Variants in SETD5 observed in about 807,000 individuals in gnomAD.
The protein encoded by SETD5 is SET domain containing 5, also known as histone-lysine N-methyltransferase SETD5.
Under a neutral mutation model 153.3 loss-of-function variants are expected in SETD5, and 44 were observed. The ratio of observed to expected loss-of-function variants is 0.29; its 90% CI spans 0.23 to 0.37. The LOEUF is 0.37. Among genes scored for constraint, SETD5 ranks in the 10% least tolerant of loss-of-function variants. The pLI, the probability that SETD5 is intolerant of heterozygous loss-of-function variation, is 1.00. For missense variants in SETD5, 1,544 were observed against 1,768.0 expected (o/e 0.87, Z 2.27); for synonymous variants, 716 against 645.2 (o/e 1.11, Z -1.66).
intron 17 of SETD5, among the ~76,000 whole-genome samples, chr3:9,457,852 T>C (rs2043453465): frequency 6.6e-6 from 1 of 151,452 alleles, no homozygotes; most frequent in Non-Finnish European, 1.5e-5. Flanking sequence ...CTCTCTGTCT[T>C]TATATAGTTC....
chr3:9,477,312 A>G lies in SETD5; in HGVS notation c.*1221A>G, dbSNP rs2045905317. The G allele has an allele frequency of 1.3e-5, 2 of 152,704 alleles. No homozygotes were observed. The highest frequency in any genetic ancestry group is 4.8e-5 in the African/African-American group (2 of 41,464). The allele number at this position is 152,704 out of a possible 1,614,324, so 9.5% of individuals were successfully genotyped here. A position where few individuals can be genotyped will look rare whatever the true frequency, so the allele number is the denominator to read the frequency against. ...GCCCTGGAGCCAGCCCAGGTGGGGT[A>G]CACAATCTTTTTAAATTCCATATGG... On this transcript the variant is annotated 3_prime_UTR_variant, in exon 23 of 23. Coordinates refer to ENST00000402198, the MANE Select transcript of SETD5 (RefSeq NM_001080517.3).
At chr3:9,436,660 C>CA (rs1346981906) in intron 7 of SETD5, among the ~76,000 whole-genome samples, 7 of 152,190 alleles carry the variant, frequency 4.6e-5, no homozygotes, top group Admixed American at 4.6e-4. Context: ...AAATTAGTCT[C>CA]AGAGTTCATT....
intron 1 of SETD5, among the ~76,000 whole-genome samples, chr3:9,405,294 T>C (rs960241742): frequency 5.3e-5 from 8 of 152,236 alleles, no homozygotes; most frequent in Admixed American, 5.2e-4. Context: ...CTGTACATAA[T>C]ATCTGCAATT....
chr3:9,454,447 T>C (rs1477962609), intron 17 of SETD5, among the ~76,000 whole-genome samples: 2 of 151,780 alleles, frequency 1.3e-5, no homozygotes, highest in African/African-American at 4.8e-5. Flanking sequence ...GGTGAAACCC[T>C]GTCTCTACCA....
At chr3:9,458,502 A>C (rs1575538608) in intron 17 of SETD5, among the ~76,000 whole-genome samples, 1 of 152,150 alleles carries the variant, frequency 6.6e-6, no homozygotes, top group Non-Finnish European at 1.5e-5. Context: ...CTGTAGCCTT[A>C]AGGAGGCTGA....
Position 9,447,241 on chromosome 3 carries a change from A to C in SETD5, c.1716A>C (p.Ser572=), listed in dbSNP as rs759812237. Residue 572 remains serine (S), a synonymous_variant, in exon 14 of 23, where the codon TCA becomes TCC. Coordinates refer to ENST00000402198, the MANE Select transcript of SETD5 (RefSeq NM_001080517.3). ...APESEVSNSV[S]NVTIPSTPQS... is the part of the protein sequence containing the mutation. ...AATCTGAAGTTAGCAACTCTGTTTC[A>C]AATGTTACCATCCCAAGCACCCCAC... The C allele has an allele frequency of 6.2e-7, 1 of 1,614,052 alleles. No individual in the cohort carries two copies. Among genetic ancestry groups the C allele is most frequent in the Non-Finnish European group, 8.5e-7 (1 of 1,179,892 alleles).
chr3:9,407,524 CAA>C (rs1035813820), intron 1 of SETD5, among the ~76,000 whole-genome samples: 25 of 152,010 alleles, frequency 1.6e-4, no homozygotes, highest in African/African-American at 6.0e-4. Context: ...CACCGAGCAA[CAA>C]GAGAAATAAA....
chr3:9,430,688 C>A, intron 3 of SETD5: 1 of 361,096 alleles, frequency 2.8e-6, no homozygotes, highest in Non-Finnish European at 3.9e-6. Flanking sequence ...GAGGTTAAAC[C>A]AATACGTTTG....
chr3:9,432,280 G>A, intron 3 of SETD5: 2 of 985,010 alleles, frequency 2.0e-6, no homozygotes, highest in Non-Finnish European at 1.2e-6. Flanking sequence ...TTCCTTTGCT[G>A]TTATTAATAA....
chr3:9,440,582 G>A lies in SETD5; in HGVS notation c.694G>A (p.Ala232Thr), dbSNP rs757905878. ...TNQYSADVQN[A>T]LEQHLHSSKE... ...TCAGTACAGTGCAGATGTACAGAACGCGCTTGAACAACACCTACATTCTAG... is the reference window on the plus strand; with the variant it reads ...TCAGTACAGTGCAGATGTACAGAACACGCTTGAACAACACCTACATTCTAG... Residue 232 changes from alanine (A) to threonine (T), a missense_variant, in exon 8 of 23, where the codon GCG (alanine) becomes ACG (threonine). Around this residue, in one of 9 missense-constraint regions of SETD5, gnomAD observed 251 missense variants for 326.9 expected, o/e 0.77. Transcript: ENST00000402198. 1.9e-6 allele frequency: 3 copies of A among 1,613,964 alleles called. No homozygotes were observed. The highest frequency in any genetic ancestry group is 2.5e-6 in the Non-Finnish European group (3 of 1,179,860).
Position 9,476,003 on chromosome 3 carries a change from ACC to A in SETD5, c.4243_4244del (p.Pro1415ThrfsTer38), listed in dbSNP as rs775402365. 52 of 1,613,916 alleles carry A rather than the reference ACC, an allele frequency of 3.2e-5. No homozygotes were observed. In the African/African-American group the frequency reaches 6.4e-4, roughly 20 times the overall value. Reference sequence around the variant, plus strand: ...TCTGCGGTTTCCAATTCACAGCACTACCCACACCGTGGGAGTGGGGGTGTGCA... The same window carrying A: ...TCTGCGGTTTCCAATTCACAGCACTACACACCGTGGGAGTGGGGGTGTGCA... On this transcript the variant is annotated frameshift_variant, in exon 23 of 23. Coordinates refer to ENST00000402198, the MANE Select transcript of SETD5 (RefSeq NM_001080517.3). LOFTEE classifies it high-confidence loss of function.
intron 7 of SETD5, among the ~76,000 whole-genome samples, chr3:9,438,813 C>G (rs1490078379): frequency 2.6e-5 from 4 of 152,176 alleles, no homozygotes; most frequent in Non-Finnish European, 5.9e-5. Context: ...AACAGGATCC[C>G]TGGTGTCTAC....
In SETD5 at chr3:9,433,834, C is replaced by A; in HGVS notation, c.72-11C>A. 1 of 1,613,202 alleles carries A rather than the reference C, an allele frequency of 6.2e-7. No homozygotes were observed. The highest frequency in any genetic ancestry group is 8.5e-7 in the Non-Finnish European group (1 of 1,179,350). On this transcript the variant is annotated splice_polypyrimidine_tract_variant and intron_variant, in intron 3 of 22. Transcript: ENST00000402198. ...TTATGCTATCATGCATTGCTTTTCG[C>A]CTTTGTGCAGCCCTGAATCTGTGGA...
At chr3:9,449,004 G>A (rs1047328806) in intron 16 of SETD5, among the ~76,000 whole-genome samples, 1 of 152,076 alleles carries the variant, frequency 6.6e-6, no homozygotes, top group African/African-American at 2.4e-5. Context: ...GTGAGATTAG[G>A]CCCTGGGTCC....
At chr3:9,418,248 A>G (rs1389421297) in intron 1 of SETD5, among the ~76,000 whole-genome samples, 1 of 152,212 alleles carries the variant, frequency 6.6e-6, no homozygotes, top group Non-Finnish European at 1.5e-5. Flanking sequence ...TTTGAAACGA[A>G]GCACTCAAAT....
intron 1 of SETD5, among the ~76,000 whole-genome samples, chr3:9,411,993 A>G (rs1291125724): frequency 6.6e-6 from 1 of 152,126 alleles, no homozygotes; most frequent in Non-Finnish European, 1.5e-5. Flanking sequence ...CCTTTTCAGG[A>G]TCCAGGGTCC....
chr3:9,442,032 G>A, intron 9 of SETD5, 96 bp from the exon 10 acceptor site: 1 of 847,420 alleles, frequency 1.2e-6, no homozygotes, highest in South Asian at 1.6e-5. Flanking sequence ...GCAAAAGACT[G>A]CTGCTGCTTC....
intron 18 of SETD5, chr3:9,465,095 A>C: frequency 5.2e-6 from 1 of 192,612 alleles, no homozygotes; most frequent in Non-Finnish European, 1.1e-5. Flanking sequence ...TAAATAAGTG[A>C]AGTGTCTTTC....
At chr3:9,418,442 A>C (rs979967853) in intron 1 of SETD5, among the ~76,000 whole-genome samples, 1 of 152,242 alleles carries the variant, frequency 6.6e-6, no homozygotes, top group Non-Finnish European at 1.5e-5. Flanking sequence ...ATATTGCTTC[A>C]GCTAGGGTTT....
Sources: allele counts gnomAD v4.1 joint callset (sites outside exome capture counted in the v4.1 genomes callset), GRCh38; gene constraint gnomAD v4.1.1; regional missense constraint gnomAD v4.1.1; transcripts MANE v1.5; gene names NCBI Gene and HGNC (gene_info 2026-07-23, HGNC 2026-07-21).